ANKRD30BL: variants seen among roughly 807,000 people sequenced by gnomAD.
ANKRD30BL encodes the protein ankyrin repeat domain 30B like.
ANKRD30BL carries 20 observed loss-of-function variants against 18.4 expected under a neutral mutation model. That is an observed-to-expected ratio of 1.09 (90% CI 0.77 to 1.58). The LOEUF is 1.58. Ranked by LOEUF, ANKRD30BL falls within the 40% of genes most tolerant of loss-of-function variation. The pLI is 0.00. For missense variants in ANKRD30BL, 224 were observed against 268.6 expected, an observed-to-expected ratio of 0.83 and a Z score of 1.16; for synonymous variants, 72 against 100.9, an observed-to-expected ratio of 0.71 and a Z score of 1.72.
intron 1 of ANKRD30BL, among the ~76,000 whole-genome samples, chr2:132,169,902 G>C (rs914184814): frequency 3.9e-5 from 6 of 152,058 alleles, no homozygotes; most frequent in Non-Finnish European, 7.4e-5. Context: ...ACACTTACTT[G>C]AATGTTCTCC....
chr2:132,184,537 AGTGAAATAAT>A (rs568472069), intron 1 of ANKRD30BL, among the ~76,000 whole-genome samples: 8 of 152,246 alleles, frequency 5.3e-5, no homozygotes, highest in Admixed American at 2.6e-4. Context: ...ACAAGAAAAC[AGTGAAATAAT>A]GTATGGATTA....
Position 132,252,951 on chromosome 2 carries a change from C to T in ANKRD30BL, n.441+4578G>A, listed in dbSNP as rs533327977. Among the ~76,000 whole-genome samples, 47 of 152,170 alleles carry T rather than the reference C, an allele frequency of 3.1e-4. No individual in the cohort carries two copies. The East Asian group carries it at 6.0e-3, about 20-fold the overall frequency. On this transcript the variant is annotated intron_variant and non_coding_transcript_variant, in intron 1 of 4. Coordinates refer to the ANKRD30BL transcript ENST00000470729. ...CTGCCCTCTCTCTCTTCCTCACAGC[C>T]GGGAGCCCCCCTTCCCCACGCCACC...
At chr2:132,205,787 C>T (rs1679201328) in intron 1 of ANKRD30BL, among the ~76,000 whole-genome samples, 1 of 151,890 alleles carries the variant, frequency 6.6e-6, no homozygotes, top group Non-Finnish European at 1.5e-5. Context: ...TAAATATTCT[C>T]ACTATGTATT....
At position 132,219,900 on chromosome 2, in the gene ANKRD30BL, C is replaced by T. The variant is rs535452505; in HGVS notation, n.441+37629G>A. ...GTGCATTCAACTCACAGAGTTGAAC[C>T]TTTCTTTTGATAGAGAAGGTTTGAA... On this transcript the variant is annotated intron_variant and non_coding_transcript_variant, in intron 1 of 4. Coordinates refer to the ANKRD30BL transcript ENST00000470729. 3.1e-3 allele frequency among the ~76,000 whole-genome samples: 475 copies of T among 151,666 alleles called. 2 individuals carry two copies. Among genetic ancestry groups the T allele is most frequent in the African/African-American group, 0.01 (420 of 41,348 alleles).
At chr2:132,163,287 T>C (rs567679916), upstream of ANKRD30BL, among the ~76,000 whole-genome samples, 531 of 152,102 alleles carry the variant, frequency 3.5e-3, 7 homozygotes, top group African/African-American at 0.012. Flanking sequence ...TTTATCTCTA[T>C]AAAAATAAAA....
intron 1 of ANKRD30BL, among the ~76,000 whole-genome samples, chr2:132,203,585 T>C (rs1282110820): frequency 1.3e-5 from 2 of 152,266 alleles, no homozygotes; most frequent in East Asian, 3.9e-4. Flanking sequence ...TTCATATTAA[T>C]TTTTCAGTAG....
intron 1 of ANKRD30BL, among the ~76,000 whole-genome samples, chr2:132,227,786 G>A (rs552348118): frequency 3.7e-4 from 57 of 152,212 alleles, no homozygotes; most frequent in African/African-American, 1.1e-3. Context: ...AACTCAAATA[G>A]CTGAAACTTT....
chr2:132,205,310 T>C (rs1368329077), intron 1 of ANKRD30BL, among the ~76,000 whole-genome samples: 1 of 150,106 alleles, frequency 6.7e-6, no homozygotes, highest in Admixed American at 6.6e-5. Flanking sequence ...CAGCAAGGAG[T>C]TATTAAAAAG....
At chr2:132,226,265 A>G (rs547971902) in intron 1 of ANKRD30BL, among the ~76,000 whole-genome samples, 1 of 151,610 alleles carries the variant, frequency 6.6e-6, no homozygotes, top group South Asian at 2.1e-4. Flanking sequence ...CTTTCTTTTG[A>G]TAGAACAGGT....
At chr2:132,197,351 T>C (rs1678989742) in intron 1 of ANKRD30BL, among the ~76,000 whole-genome samples, 2 of 152,330 alleles carry the variant, frequency 1.3e-5, no homozygotes, top group South Asian at 2.1e-4. Flanking sequence ...CTGTTTTCCT[T>C]TTTGTTTTGA....
chr2:132,170,972 CG>C (rs932560354), intron 1 of ANKRD30BL, among the ~76,000 whole-genome samples: 1 of 152,068 alleles, frequency 6.6e-6, no homozygotes, highest in African/African-American at 2.4e-5. Flanking sequence ...CTGGCTAACA[CG>C]GTGAAACCTC....
chr2:132,252,650 C>T (rs1352575495), intron 1 of ANKRD30BL, among the ~76,000 whole-genome samples: 11 of 152,084 alleles, frequency 7.2e-5, no homozygotes, highest in South Asian at 2.1e-4. Context: ...CAGGGGTGGA[C>T]GGCGAACTGC....
intron 4 of ANKRD30BL, chr2:132,152,670 T>C (rs1055763586): frequency 1.3e-5 from 2 of 152,170 alleles, no homozygotes; most frequent in Non-Finnish European, 2.9e-5. Flanking sequence ...GCCAGGGATA[T>C]AGATCTGGTA....
At chr2:132,197,146 A>G (rs1288526221) in intron 1 of ANKRD30BL, among the ~76,000 whole-genome samples, 11 of 152,406 alleles carry the variant, frequency 7.2e-5, no homozygotes, top group Admixed American at 2.0e-4. Context: ...CTATTTGTAT[A>G]CTTTACATGA....
intron 4 of ANKRD30BL, among the ~76,000 whole-genome samples, chr2:132,151,525 G>A (rs1382224119): frequency 6.6e-6 from 1 of 151,622 alleles, no homozygotes; most frequent in Non-Finnish European, 1.5e-5. Context: ...AGCACTTTTG[G>A]ATGCTGAGAC....
In ANKRD30BL at chr2:132,180,801, A is replaced by G. The variant is rs1261336151; in HGVS notation, n.442-23655T>C. 2.0e-5 allele frequency among the ~76,000 whole-genome samples: 3 copies of G among 152,194 alleles called. No individual in the cohort carries two copies. The East Asian group carries it at 5.8e-4, about 29-fold the overall frequency. ...ATGAAGGAAAATAAAATAGATTAAC[A>G]AAATTCAAAAATCTTTAACATAAAA... On this transcript the variant is annotated intron_variant and non_coding_transcript_variant, in intron 1 of 4. Transcript: ENST00000470729.
chr2:132,205,533 G>A (rs1433851915), intron 1 of ANKRD30BL, among the ~76,000 whole-genome samples: 13 of 151,376 alleles, frequency 8.6e-5, no homozygotes, highest in African/African-American at 1.2e-4. Context: ...CCTGGGAGGC[G>A]GAGGTTGCAG....
chr2:132,254,983 C>T (rs528458043), intron 1 of ANKRD30BL, among the ~76,000 whole-genome samples: 44 of 152,294 alleles, frequency 2.9e-4, no homozygotes, highest in Admixed American at 1.0e-3. Context: ...GGCTCCACTC[C>T]TGGTGGTGCC....
intron 1 of ANKRD30BL, among the ~76,000 whole-genome samples, chr2:132,188,926 C>T (rs1678788320): frequency 6.6e-6 from 1 of 152,064 alleles, no homozygotes; most frequent in South Asian, 2.1e-4. Flanking sequence ...CCTGGACTTG[C>T]AAGGGCCTCC....
Sources: gnomAD v4.1 joint callset for allele counts (sites outside exome capture counted in the v4.1 genomes callset) on GRCh38, gnomAD v4.1.1 for gene constraint, MANE v1.5 for transcripts, NCBI Gene and HGNC (gene_info 2026-07-23, HGNC 2026-07-21) for gene names.